PLEKHA7: variants seen among roughly 807,000 people sequenced by gnomAD.
PLEKHA7 encodes pleckstrin homology domain-containing family A member 7.
PLEKHA7 carries 104 observed loss-of-function variants against 170.0 expected under a neutral mutation model. The ratio of observed to expected loss-of-function variants is 0.61; its 90% confidence interval spans 0.52 to 0.72. The LOEUF (loss-of-function observed/expected upper bound fraction) is 0.72, where lower values mean the gene tolerates loss of function less well. Ranked by LOEUF, PLEKHA7 falls within the 30% of genes least tolerant of loss-of-function variation. PLEKHA7 has a pLI of 0.00. For missense variants in PLEKHA7, 1,615 were observed against 1,671.7 expected (o/e 0.97, Z 0.59); for synonymous variants, 648 against 660.8 (o/e 0.98, Z 0.30).
At chr11:16,907,173 C>A (rs1360921418) in intron 3 of PLEKHA7, among the ~76,000 whole-genome samples, 1 of 76,152 alleles carries the variant, frequency 1.3e-5, no homozygotes, top group African/African-American at 9.0e-5. Context: ...GGGGGTTAGC[C>A]CCCCGCCCGG....
intron 26 of PLEKHA7, among the ~76,000 whole-genome samples, chr11:16,782,132 C>A (rs150450137): frequency 6.7e-6 from 1 of 150,312 alleles, no homozygotes; most frequent in African/African-American, 2.5e-5. Flanking sequence ...CACATACACA[C>A]ACACATAGAC....
At chr11:16,880,334 C>G (rs1342883205) in intron 3 of PLEKHA7, among the ~76,000 whole-genome samples, 1 of 152,176 alleles carries the variant, frequency 6.6e-6, no homozygotes, top group Non-Finnish European at 1.5e-5. Context: ...TGACCTTGAG[C>G]GAGTTAGTGG....
intron 13 of PLEKHA7, among the ~76,000 whole-genome samples, chr11:16,808,991 G>T (rs1230459866): frequency 6.6e-6 from 1 of 152,136 alleles, no homozygotes; most frequent in East Asian, 1.9e-4. Context: ...TATAAAAAAG[G>T]GATAATAATT....
At chr11:16,834,248 C>A (rs925170200) in intron 9 of PLEKHA7, among the ~76,000 whole-genome samples, 1 of 152,106 alleles carries the variant, frequency 6.6e-6, no homozygotes, top group East Asian at 1.9e-4. Context: ...TCAGGTGATC[C>A]GCCTGCCTAG....
At chr11:16,979,864 C>T (rs1863314574) in intron 3 of PLEKHA7, among the ~76,000 whole-genome samples, 1 of 152,178 alleles carries the variant, frequency 6.6e-6, no homozygotes, top group Non-Finnish European at 1.5e-5. Context: ...CCATCATAAG[C>T]AAGCAGGTCT....
At chr11:16,930,010 A>T (rs1179414550) in intron 3 of PLEKHA7, among the ~76,000 whole-genome samples, 1 of 151,508 alleles carries the variant, frequency 6.6e-6, no homozygotes, top group Non-Finnish European at 1.5e-5. Context: ...CTCAAAAAAA[A>T]ATAAAAATAA....
intron 3 of PLEKHA7, among the ~76,000 whole-genome samples, chr11:16,918,370 G>A (rs1375835423): frequency 6.6e-6 from 1 of 152,148 alleles, no homozygotes; most frequent in East Asian, 1.9e-4. Context: ...GACCTAGGAG[G>A]AGAAAGGTCC....
intron 13 of PLEKHA7, chr11:16,807,073 G>T: frequency 1.3e-6 from 1 of 746,006 alleles, no homozygotes; most frequent in Non-Finnish European, 1.6e-6. Context: ...GGTTAAGCAA[G>T]TGATGAAGTC....
At chr11:16,918,573 C>T (rs1858859375) in intron 3 of PLEKHA7, among the ~76,000 whole-genome samples, 1 of 152,172 alleles carries the variant, frequency 6.6e-6, no homozygotes, top group South Asian at 2.1e-4. Flanking sequence ...TGGTAAAATG[C>T]CCAGCAAGTA....
chr11:16,813,419 CA>C (rs569263574), intron 12 of PLEKHA7: 191 of 405,530 alleles, frequency 4.7e-4, no homozygotes, highest in Non-Finnish European at 8.0e-4. Flanking sequence ...AAGAGTTTGG[CA>C]GGGAGGATCC....
intron 4 of PLEKHA7, among the ~76,000 whole-genome samples, chr11:16,867,210 T>C (rs1485705171): frequency 6.6e-6 from 1 of 152,158 alleles, no homozygotes; most frequent in African/African-American, 2.4e-5. Context: ...CAGAATCAAC[T>C]GGAAGGCTTG....
At chr11:16,807,126 CG>C (rs1849044252) in intron 13 of PLEKHA7, 1 of 976,266 alleles carries the variant, frequency 1.0e-6, no homozygotes. Context: ...CTTGGAGACA[CG>C]GATCAGATCA....
chr11:16,884,567 G>A (rs567384238), intron 3 of PLEKHA7, among the ~76,000 whole-genome samples: 26 of 152,132 alleles, frequency 1.7e-4, no homozygotes, highest in East Asian at 9.7e-4. Context: ...CCCAGGAGGC[G>A]GAGGTTGCAG....
At chr11:16,987,241 TC>T (rs1327576103) in intron 3 of PLEKHA7, among the ~76,000 whole-genome samples, 17 of 150,556 alleles carry the variant, frequency 1.1e-4, no homozygotes, top group African/African-American at 3.2e-4. Context: ...ACCAAAAGCC[TC>T]CCCGACCTCC....
At chr11:16,820,356 T>G (rs902817344) in intron 10 of PLEKHA7, among the ~76,000 whole-genome samples, 1 of 152,248 alleles carries the variant, frequency 6.6e-6, no homozygotes, top group African/African-American at 2.4e-5. Context: ...CTGTGAGGAT[T>G]TGAAATAGTT....
chr11:16,796,200 T>C (rs112606742), intron 17 of PLEKHA7, among the ~76,000 whole-genome samples: 523 of 152,282 alleles, frequency 3.4e-3, no homozygotes, highest in Non-Finnish European at 4.9e-3. Flanking sequence ...TATGTAATCA[T>C]GACAGAAGGG....
chr11:16,869,502 T>C (rs1049534443), intron 4 of PLEKHA7, among the ~76,000 whole-genome samples: 3 of 152,256 alleles, frequency 2.0e-5, no homozygotes, highest in Admixed American at 6.5e-5. Flanking sequence ...AAATGAGATA[T>C]GCATGTAATG....
At position 16,778,965 on chromosome 11, in the gene PLEKHA7, G is replaced by C; in HGVS notation, c.*33C>G. On this transcript the variant is annotated 3_prime_UTR_variant, in exon 27 of 27. Transcript: ENST00000531066. The stretch of plus-strand genomic sequence containing the variant: ...TCCTTGGAGGAAGCTGGTTCCACTG[G>C]GCCCCTGGCTCCAGGCTTCTTTGCA... 1.4e-6 allele frequency: 1 copy of C among 702,602 alleles called. No individual in the cohort carries two copies. Among genetic ancestry groups the C allele is most frequent in the East Asian group, 2.7e-5 (1 of 37,286 alleles). 43.5% of individuals were successfully genotyped at this position (702,602 alleles called of 1,614,324 possible).
intron 3 of PLEKHA7, among the ~76,000 whole-genome samples, chr11:16,897,083 T>C (rs886525016): frequency 2.6e-5 from 4 of 152,174 alleles, no homozygotes; most frequent in Non-Finnish European, 4.4e-5. Flanking sequence ...GCCCTGACAG[T>C]TGCCAAAGTC....
Sources: gnomAD v4.1 joint callset for allele counts (sites outside exome capture counted in the v4.1 genomes callset) on GRCh38, gnomAD v4.1.1 for gene constraint, MANE v1.5 for transcripts, NCBI Gene and HGNC (gene_info 2026-07-23, HGNC 2026-07-21) for gene names.